The following WIPF3 variants were observed in gnomAD, a reference collection of about 807,000 sequenced individuals.
WIPF3 encodes WAS/WASL-interacting protein family member 3.
A neutral mutation model predicts 38.9 loss-of-function variants in WIPF3; 33 were observed. The observed-to-expected ratio is 0.85, with a 90% CI of 0.64 to 1.14. The LOEUF is 1.14. WIPF3 is among the 50% of genes most tolerant of loss of function. The pLI is 0.00. For missense variants in WIPF3, 711 were observed against 652.5 expected, an observed-to-expected ratio of 1.09 and a Z score of -0.98; for synonymous variants, 324 against 269.3, an observed-to-expected ratio of 1.20 and a Z score of -1.99.
chr7:29,816,019 A>G (rs1784449955), intron 1 of WIPF3, among the ~76,000 whole-genome samples: 1 of 152,090 alleles, frequency 6.6e-6, no homozygotes, highest in Non-Finnish European at 1.5e-5. Context: ...GACCATTTTA[A>G]TCTTTTTCTT....
intron 7 of WIPF3, among the ~76,000 whole-genome samples, chr7:29,898,335 C>T (rs574896036): frequency 4.2e-4 from 64 of 152,222 alleles, no homozygotes; most frequent in African/African-American, 1.5e-3. Flanking sequence ...GGTGTCTCTC[C>T]TTGAAATGCA....
At chr7:29,847,784 TAG>T (rs1482310016) in intron 2 of WIPF3, among the ~76,000 whole-genome samples, 7 of 152,050 alleles carry the variant, frequency 4.6e-5, no homozygotes, top group Admixed American at 4.6e-4. Context: ...GGTGGGGAGT[TAG>T]AGTAATATTT....
At chr7:29,905,164 C>T (rs1229468749) in intron 8 of WIPF3, 1 of 152,176 alleles carries the variant, frequency 6.6e-6, no homozygotes, top group African/African-American at 2.4e-5. Flanking sequence ...AGGATGAGTT[C>T]CTCAGAGGAA....
At position 29,899,746 on chromosome 7, in the gene WIPF3, C is replaced by T. The variant is rs150973686; in HGVS notation, c.1352-4540C>T. 1.9e-3 allele frequency among the ~76,000 whole-genome samples: 287 copies of T among 151,560 alleles called. 1 individual carries two copies. Among genetic ancestry groups the T allele is most frequent in the African/African-American group, 6.5e-3 (270 of 41,236 alleles). On this transcript the variant is annotated intron_variant, in intron 7 of 8. Coordinates refer to ENST00000242140, the MANE Select transcript of WIPF3 (RefSeq NM_001080529.3). ...ACATGGGAAAATGTTTACCTTTTTACGTAAAAACACCTTGTTATGTAAAAA... is the reference window on the plus strand; with the variant it reads ...ACATGGGAAAATGTTTACCTTTTTATGTAAAAACACCTTGTTATGTAAAAA...
chr7:29,873,847 A>G (rs28428976), intron 2 of WIPF3, among the ~76,000 whole-genome samples: 46,439 of 152,078 alleles, frequency 0.31, 7,612 homozygotes, highest in African/African-American at 0.41. Context: ...TGTGGACTCA[A>G]CACATTTTAG....
At chr7:29,829,687 A>G (rs1242710363) in intron 1 of WIPF3, among the ~76,000 whole-genome samples, 1 of 152,258 alleles carries the variant, frequency 6.6e-6, no homozygotes, top group Non-Finnish European at 1.5e-5. Context: ...AAGGAGGCCC[A>G]GTAAGGTAAA....
intron 2 of WIPF3, among the ~76,000 whole-genome samples, chr7:29,851,299 G>T (rs375493569): frequency 6.6e-6 from 1 of 152,142 alleles, no homozygotes; most frequent in East Asian, 1.9e-4. Context: ...TGGTGTCTGC[G>T]ATGTTCTCCT....
intron 1 of WIPF3, among the ~76,000 whole-genome samples, chr7:29,829,135 C>T (rs976871284): frequency 6.6e-6 from 1 of 152,058 alleles, no homozygotes; most frequent in Non-Finnish European, 1.5e-5. Flanking sequence ...ATTGCACCTC[C>T]TCCTCAAGTT....
chr7:29,871,978 A>G (rs968092357), intron 2 of WIPF3, among the ~76,000 whole-genome samples: 2 of 152,238 alleles, frequency 1.3e-5, no homozygotes, highest in African/African-American at 2.4e-5. Flanking sequence ...GTGAAACCCA[A>G]CAAATTGTCA....
intron 8 of WIPF3, chr7:29,905,697 A>C (rs1326867109): frequency 6.6e-6 from 1 of 151,988 alleles, no homozygotes; most frequent in Non-Finnish European, 1.5e-5. Context: ...GCTTCTGATC[A>C]CAGAGGTACA....
chr7:29,906,781 A>G (rs1326583922), intron 8 of WIPF3, among the ~76,000 whole-genome samples: 2 of 152,238 alleles, frequency 1.3e-5, no homozygotes, highest in African/African-American at 4.8e-5. Flanking sequence ...GCAAGAGAGA[A>G]GTGACTCATC....
At chr7:29,836,348 C>T (rs902392227) in intron 2 of WIPF3, among the ~76,000 whole-genome samples, 12 of 152,184 alleles carry the variant, frequency 7.9e-5, no homozygotes, top group African/African-American at 2.9e-4. Flanking sequence ...TGAACAAAAT[C>T]CATGTTATTG....
In WIPF3 at chr7:29,904,564, G is replaced by T. The variant is rs1021928293; in HGVS notation, c.1428+202G>T. On this transcript the variant is annotated intron_variant, in intron 8 of 8. Transcript: ENST00000242140. Reference sequence around the variant, plus strand: ...AAAATCTGAAGTGTGACAAAAGGGGGCTTCCCTGGAATCACCACTACATAT... The same window carrying T: ...AAAATCTGAAGTGTGACAAAAGGGGTCTTCCCTGGAATCACCACTACATAT... The T allele has an allele frequency of 7.2e-6, 4 of 557,396 alleles. No homozygotes were observed. In the African/African-American group the frequency reaches 7.6e-5, roughly 11 times the overall value. 34.5% of individuals were successfully genotyped at this position (557,396 alleles called of 1,614,324 possible).
intron 8 of WIPF3, among the ~76,000 whole-genome samples, chr7:29,909,872 G>T (rs1441772097): frequency 6.7e-6 from 1 of 148,906 alleles, no homozygotes; most frequent in African/African-American, 2.5e-5. Flanking sequence ...CTACACCCTG[G>T]GTGACAGAGT....
intron 1 of WIPF3, among the ~76,000 whole-genome samples, chr7:29,814,670 G>C (rs1002072841): frequency 1.3e-5 from 2 of 152,210 alleles, no homozygotes; most frequent in South Asian, 2.1e-4. Context: ...CTGTGAAATG[G>C]GGATGATAAC....
At chr7:29,818,547 A>G (rs1254074741) in intron 1 of WIPF3, among the ~76,000 whole-genome samples, 1 of 148,564 alleles carries the variant, frequency 6.7e-6, no homozygotes, top group Non-Finnish European at 1.5e-5. Flanking sequence ...ATTATATATA[A>G]TATGTATACT....
At chr7:29,866,994 A>T (rs1262709429) in intron 2 of WIPF3, among the ~76,000 whole-genome samples, 1 of 152,260 alleles carries the variant, frequency 6.6e-6, no homozygotes, top group Non-Finnish European at 1.5e-5. Context: ...CCTCATCTGT[A>T]GACTGGACAT....
chr7:29,827,499 G>T (rs113405939), intron 1 of WIPF3, among the ~76,000 whole-genome samples: 5 of 152,044 alleles, frequency 3.3e-5, no homozygotes, highest in African/African-American at 1.2e-4. Flanking sequence ...TTGTTTGCAC[G>T]TGGGCTTGTG....
intron 2 of WIPF3, among the ~76,000 whole-genome samples, chr7:29,858,323 G>T (rs1354518901): frequency 6.6e-6 from 1 of 152,098 alleles, no homozygotes; most frequent in Non-Finnish European, 1.5e-5. Context: ...CTTCCATAGC[G>T]TGTGGGTTAA....
Sources: gnomAD v4.1 joint callset for allele counts (sites outside exome capture counted in the v4.1 genomes callset) on GRCh38, gnomAD v4.1.1 for gene constraint, MANE v1.5 for transcripts, NCBI Gene and HGNC (gene_info 2026-07-23, HGNC 2026-07-21) for gene names.